SP100: variants seen among roughly 807,000 people sequenced by gnomAD.
The protein encoded by SP100 is nuclear autoantigen Sp-100.
A neutral mutation model predicts 130.0 loss-of-function variants in SP100; 84 were observed. That is an observed-to-expected ratio of 0.65 (90% confidence interval 0.54 to 0.77). SP100 has a LOEUF of 0.77. Ranked by LOEUF, SP100 falls within the 30% of genes least tolerant of loss-of-function variation. The pLI, the probability that SP100 is intolerant of heterozygous loss-of-function variation, is 0.00. For synonymous variants in SP100, 331 were observed against 351.7 expected (o/e 0.94, Z 0.66); for missense variants, 978 against 1,052.2 (o/e 0.93, Z 0.97).
At chr2:230,525,250 C>G (rs549694817) in intron 24 of SP100, among the ~76,000 whole-genome samples, 1 of 151,892 alleles carries the variant, frequency 6.6e-6, no homozygotes, top group South Asian at 2.1e-4. Context: ...AATTTTTTTC[C>G]CTGTTTCCCT....
intron 2 of SP100, among the ~76,000 whole-genome samples, chr2:230,426,529 A>ATT (rs199606726): frequency 6.6e-6 from 1 of 150,794 alleles, no homozygotes; most frequent in South Asian, 2.1e-4. Context: ...TCCTTACATT[A>ATT]TATATTCCGT....
Position 230,467,188 on chromosome 2 carries a change from G to T in SP100, c.1264G>T (p.Ala422Ser). ...GGCGCCCGCAGAAGCCTCGAGCGGG[G>T]CACTGAGAAGCAAGCATGGTGAGAA... ...EEAPAEASSG[A>S]LRSKHGEKAP... Residue 422 changes from alanine (A) to serine (S), a missense_variant, in exon 13 of 29, where the codon GCA becomes TCA. Physicochemically the swap from Ala to Ser is moderately conservative, Grantham distance 99. Transcript: ENST00000340126. 4 of 1,613,796 alleles carry T rather than the reference G, an allele frequency of 2.5e-6. No individual in the cohort carries two copies. Among genetic ancestry groups the T allele is most frequent in the Non-Finnish European group, 3.4e-6 (4 of 1,179,718 alleles).
At chr2:230,504,427 G>C (rs778590870) in intron 21 of SP100, 137 bp downstream of exon 21, 13 of 575,830 alleles carry the variant, frequency 2.3e-5, no homozygotes, top group Non-Finnish European at 3.8e-5. Flanking sequence ...AGCTTTCCTA[G>C]GACTTGGGAC....
At chr2:230,473,190 G>A in intron 15 of SP100, 134 bp from the exon 16 acceptor site, 1 of 585,812 alleles carries the variant, frequency 1.7e-6, no homozygotes, top group South Asian at 2.4e-5. Context: ...AACCACAAAA[G>A]AAAAAGAGAT....
rs911925924 is a variant in SP100 at position 230,470,040 on chromosome 2, C to A, written c.1371C>A (p.Asp457Glu). 4 of 1,612,492 alleles carry A rather than the reference C, an allele frequency of 2.5e-6. No individual in the cohort carries two copies. Among genetic ancestry groups the A allele is most frequent in the Non-Finnish European group, 2.5e-6 (3 of 1,179,242 alleles). Residue 457 changes from aspartate (D) to glutamate (E), a missense_variant, in exon 15 of 29, where the codon GAC becomes GAA. Transcript: ENST00000340126. Reference sequence around the variant, plus strand: ...GTTTCAGCAGTAGTGACTTTTCAGACCTGAGTAATGGAGAAGAGCTTCAGG... The same window carrying A: ...GTTTCAGCAGTAGTGACTTTTCAGAACTGAGTAATGGAGAAGAGCTTCAGG... ...KRRFSSSDFS[D>E]LSNGEELQET... is the part of the protein sequence containing the mutation.
At chr2:230,481,440 T>C (rs759823531) in intron 17 of SP100, among the ~76,000 whole-genome samples, 19 of 152,170 alleles carry the variant, frequency 1.2e-4, no homozygotes, top group Non-Finnish European at 2.8e-4. Flanking sequence ...CCCTCTATGC[T>C]AACCCCTCGC....
chr2:230,428,091 C>T (rs192151818), intron 2 of SP100, among the ~76,000 whole-genome samples: 70 of 152,016 alleles, frequency 4.6e-4, no homozygotes, highest in Non-Finnish European at 8.1e-4. Flanking sequence ...ATTAGCCAGG[C>T]GTGGTGGCAT....
At position 230,543,149 on chromosome 2, in the gene SP100, A is replaced by AC; in HGVS notation, c.*203_*204insC. 3.5e-6 allele frequency: 1 copy of AC among 289,842 alleles called. No homozygotes were observed. Among genetic ancestry groups the AC allele is most frequent in the Non-Finnish European group, 5.8e-6 (1 of 173,228 alleles). The allele number at this position is 289,842 out of a possible 1,614,324, so 18.0% of individuals were successfully genotyped here. ...AAAATTCTCAATAAGCTAGGTATTG[A>AC]GGAACATATCCCAAAATAATAAGAG... On this transcript the variant is annotated 3_prime_UTR_variant, in exon 29 of 29. Coordinates refer to ENST00000340126, the MANE Select transcript of SP100 (RefSeq NM_001080391.2).
intron 17 of SP100, among the ~76,000 whole-genome samples, chr2:230,476,826 C>G (rs1161504356): frequency 6.6e-6 from 1 of 152,000 alleles, no homozygotes. Context: ...TCATAAAACT[C>G]TTTGTCAGAG....
chr2:230,529,131 G>T lies in SP100; in HGVS notation c.2095-10136G>T, dbSNP rs537901452. ...CTGGTAGAGACACAACAAAAAAAGA[G>T]AATTTTGGGCCAATATCCCTGATGA... On this transcript the variant is annotated intron_variant, in intron 24 of 28. Coordinates refer to ENST00000340126, the MANE Select transcript of SP100 (RefSeq NM_001080391.2). 3.3e-5 allele frequency among the ~76,000 whole-genome samples: 5 copies of T among 152,212 alleles called. No individual in the cohort carries two copies. The East Asian group carries it at 7.7e-4, about 24-fold the overall frequency.
At chr2:230,524,453 A>G (rs1691333575) in intron 24 of SP100, among the ~76,000 whole-genome samples, 1 of 152,100 alleles carries the variant, frequency 6.6e-6, no homozygotes, top group African/African-American at 2.4e-5. Flanking sequence ...AGACTAATTT[A>G]ATGTGTTTAT....
chr2:230,420,785 A>T (rs1225243821), intron 2 of SP100, among the ~76,000 whole-genome samples: 1 of 152,204 alleles, frequency 6.6e-6, no homozygotes, highest in Non-Finnish European at 1.5e-5. Flanking sequence ...CTTTAAAAAC[A>T]CAAGTAGTAC....
intron 17 of SP100, among the ~76,000 whole-genome samples, chr2:230,492,397 T>C (rs1050116073): frequency 2.1e-4 from 32 of 152,154 alleles, no homozygotes. Context: ...CTCTAACTCC[T>C]GGGCTCCAGT....
At chr2:230,474,501 T>G in intron 17 of SP100, 54 bp downstream of exon 17, 1 of 852,566 alleles carries the variant, frequency 1.2e-6, no homozygotes, top group Non-Finnish European at 2.0e-6. Context: ...AACTATTTTT[T>G]AATGCTAAGG....
chr2:230,521,022 T>C (rs561346445), intron 24 of SP100, among the ~76,000 whole-genome samples: 4 of 152,282 alleles, frequency 2.6e-5, no homozygotes, highest in African/African-American at 4.8e-5. Context: ...CTTGAGGAAC[T>C]CATCATGAGA....
intron 17 of SP100, among the ~76,000 whole-genome samples, chr2:230,490,358 T>A (rs2066332441): frequency 1.3e-5 from 2 of 152,326 alleles, no homozygotes; most frequent in East Asian, 1.9e-4. Context: ...TAAATTTTCC[T>A]CCATTCCCTT....
intron 2 of SP100, among the ~76,000 whole-genome samples, chr2:230,439,972 A>T (rs1415817772): frequency 6.6e-6 from 1 of 152,128 alleles, no homozygotes; most frequent in Non-Finnish European, 1.5e-5. Context: ...GATTTCACTC[A>T]ATCAGTAGTT....
At position 230,476,128 on chromosome 2, in the gene SP100, A is replaced by G. The variant is rs893532779; in HGVS notation, c.1600+1681A>G. Among the ~76,000 whole-genome samples the G allele has an allele frequency of 2.0e-5, 3 of 152,250 alleles. No homozygotes were observed. In the South Asian group the frequency reaches 6.2e-4, roughly 32 times the overall value. On this transcript the variant is annotated intron_variant, in intron 17 of 28. Transcript: ENST00000340126. ...GTTGAATCTATAAATTGATTTAAAC[A>G]GTATAGTCATTCAAACTGTATTGAT...
At chr2:230,430,702 C>A (rs2063073266) in intron 2 of SP100, among the ~76,000 whole-genome samples, 1 of 152,236 alleles carries the variant, frequency 6.6e-6, no homozygotes, top group East Asian at 1.9e-4. Flanking sequence ...ACTTGTTCTA[C>A]TCCCTGCCTG....
Sources: allele counts gnomAD v4.1 joint callset (sites outside exome capture counted in the v4.1 genomes callset), GRCh38; gene constraint gnomAD v4.1.1; transcripts MANE v1.5; gene names NCBI Gene and HGNC (gene_info 2026-07-23, HGNC 2026-07-21).